The following OTC variants were observed in gnomAD, a reference collection of about 807,000 sequenced individuals.
OTC encodes the protein ornithine transcarbamylase, mitochondrial.
Under a neutral mutation model 30.3 loss-of-function variants are expected in OTC, and 3 were observed. The observed-to-expected ratio is 0.10, with a 90% confidence interval of 0.05 to 0.26. OTC has a LOEUF of 0.26. Among genes scored for constraint, OTC ranks in the 10% least tolerant of loss-of-function variants. The pLI is 1.00. For missense variants in OTC, 194 were observed against 260.3 expected (o/e 0.75, Z 1.75); for synonymous variants, 111 against 99.7 (o/e 1.11, Z -0.67).
At chrX:38,345,810 G>A in the OTC span, among the ~76,000 whole-genome samples, 2 of 110,881 alleles carry the variant, frequency 1.8e-5, no homozygotes, top group Non-Finnish European at 3.8e-5. Flanking sequence ...CAAAGTGCTG[G>A]GATTACAGGC....
intron 4 of OTC, among the ~76,000 whole-genome samples, chrX:38,382,810 A>G (rs901164352): frequency 8.9e-6 from 1 of 112,223 alleles, no homozygotes; most frequent in African/African-American, 3.2e-5. Flanking sequence ...AATGAGTCAT[A>G]TGTAAAGCAC....
At chrX:38,413,665 A>ATTT (rs11397097) in intron 9 of OTC, among the ~76,000 whole-genome samples, 2 of 97,192 alleles carry the variant, frequency 2.1e-5, no homozygotes, top group Admixed American at 1.2e-4. Flanking sequence ...TGGCACATCT[A>ATTT]TTTTTTTTTT....
chrX:38,331,945 A>G, the OTC span, among the ~76,000 whole-genome samples: 3 of 110,994 alleles, frequency 2.7e-5, no homozygotes, highest in South Asian at 3.9e-4. Context: ...CAGGCCACGA[A>G]TTTGTACTGG....
rs767865575 is a variant in OTC at position 38,406,000 on chromosome X, G to A, written c.663+2260G>A. On this transcript the variant is annotated intron_variant, in intron 6 of 9. Transcript: ENST00000039007. The stretch of plus-strand genomic sequence containing the variant: ...AAACATTTTATTGCATGCCAAAGAT[G>A]TTTTATTAACATCAAAGGAAAAAAT... Among the ~76,000 whole-genome samples the A allele has an allele frequency of 1.5e-3, 173 of 112,303 alleles. 1 individual carries two copies. Among genetic ancestry groups the A allele is most frequent in the Non-Finnish European group, 2.8e-3 (150 of 53,252 alleles).
At chrX:38,413,251 T>A (rs1203485492) in intron 9 of OTC, among the ~76,000 whole-genome samples, 3 of 112,336 alleles carry the variant, frequency 2.7e-5, no homozygotes, top group African/African-American at 6.5e-5. Flanking sequence ...TAAAGTAATA[T>A]GTGTAAAGCT....
intron 5 of OTC, among the ~76,000 whole-genome samples, chrX:38,401,830 G>T (rs2068490690): frequency 8.9e-6 from 1 of 112,011 alleles, no homozygotes; most frequent in African/African-American, 3.2e-5. Flanking sequence ...ATTCAAAAAG[G>T]TTAGTTACTA....
At chrX:38,353,339 G>C (rs896594283) in intron 1 of OTC, among the ~76,000 whole-genome samples, 6 of 111,582 alleles carry the variant, frequency 5.4e-5, no homozygotes, top group African/African-American at 2.0e-4. Flanking sequence ...TTTACATCCT[G>C]CTTACAACCA....
chrX:38,331,422 T>A, the OTC span, among the ~76,000 whole-genome samples: 24 of 91,543 alleles, frequency 2.6e-4, no homozygotes, highest in African/African-American at 8.9e-4. Context: ...CCCAGCTAAT[T>A]TTTTTTTTGT....
rs779852274 is a variant in OTC at position 38,403,716 on chromosome X, G to A, written c.639G>A (p.Met213Ile). 1 of 1,210,544 alleles carries A rather than the reference G, an allele frequency of 8.3e-7. No individual in the cohort carries two copies. Among genetic ancestry groups the A allele is most frequent in the East Asian group, 3.0e-5 (1 of 33,821 alleles). ...SIMMSAAKFGMHLQAATPKGY... is the reference protein window; with the variant it reads ...SIMMSAAKFGIHLQAATPKGY... ...TGATGAGCGCAGCGAAATTCGGAAT[G>A]CACCTTCAGGCAGCTACTCCAAAGG... Residue 213 changes from methionine (M) to isoleucine (I), a missense_variant, in exon 6 of 10, where the codon ATG becomes ATA. Coordinates refer to ENST00000039007, the MANE Select transcript of OTC (RefSeq NM_000531.6).
In OTC at chrX:38,409,039, C is replaced by G; in HGVS notation, c.867+14C>G. On this transcript the variant is annotated intron_variant, in intron 8 of 9. Transcript: ENST00000039007. Reference sequence around the variant, plus strand: ...GTTACAATGAAGGTACAAATTGATGCCTCTCTGAAGGTTCATTAATTCCAT... The same window carrying G: ...GTTACAATGAAGGTACAAATTGATGGCTCTCTGAAGGTTCATTAATTCCAT... The G allele has an allele frequency of 8.3e-7, 1 of 1,207,204 alleles. No individual in the cohort carries two copies. Among genetic ancestry groups the G allele is most frequent in the Non-Finnish European group, 1.1e-6 (1 of 891,474 alleles).
chrX:38,366,454 T>G (rs1249415385), intron 1 of OTC, among the ~76,000 whole-genome samples: 1 of 111,876 alleles, frequency 8.9e-6, no homozygotes, highest in East Asian at 2.8e-4. Flanking sequence ...AGAACAGATT[T>G]GAAGGGCAGT....
intron 9 of OTC, among the ~76,000 whole-genome samples, chrX:38,413,412 G>A (rs1190017137): frequency 9.0e-6 from 1 of 111,293 alleles, no homozygotes; most frequent in East Asian, 2.8e-4. Flanking sequence ...AGCCAACCGT[G>A]ACTCCCTTTT....
At chrX:38,376,765 G>A (rs2068350293) in intron 3 of OTC, among the ~76,000 whole-genome samples, 1 of 111,824 alleles carries the variant, frequency 8.9e-6, no homozygotes, top group African/African-American at 3.3e-5. Context: ...ATGATAAAGG[G>A]GCCAATTCAG....
chrX:38,409,300 CTT>C (rs1397437684), intron 8 of OTC, among the ~76,000 whole-genome samples: 3 of 111,885 alleles, frequency 2.7e-5, no homozygotes, highest in African/African-American at 9.7e-5. Context: ...GTGTTTTACT[CTT>C]TGTGTGTTTA....
At chrX:38,356,248 ATAG>A (rs1439964805) in intron 1 of OTC, among the ~76,000 whole-genome samples, 3 of 110,833 alleles carry the variant, frequency 2.7e-5, no homozygotes, top group Admixed American at 9.7e-5. Flanking sequence ...CAGATCTTTA[ATAG>A]TAGGTCTGCA....
chrX:38,332,107 G>T, the OTC span, among the ~76,000 whole-genome samples: 1 of 109,491 alleles, frequency 9.1e-6, no homozygotes, highest in South Asian at 4.0e-4. Flanking sequence ...CTGCACATGG[G>T]AGGGATCTAG....
upstream of OTC, among the ~76,000 whole-genome samples, chrX:38,348,931 A>G (rs2068201957): frequency 9.0e-6 from 1 of 111,617 alleles, no homozygotes; most frequent in African/African-American, 3.3e-5. Context: ...GCATACCACT[A>G]TTTACAGAAT....
At chrX:38,394,396 A>T (rs1035577921) in intron 4 of OTC, among the ~76,000 whole-genome samples, 22 of 112,263 alleles carry the variant, frequency 2.0e-4, no homozygotes, top group Non-Finnish European at 3.8e-4. Context: ...AGGAGATTTC[A>T]TTCTTTTACA....
At chrX:38,384,202 AT>A (rs1396007327) in intron 4 of OTC, among the ~76,000 whole-genome samples, 2 of 111,906 alleles carry the variant, frequency 1.8e-5, no homozygotes, top group African/African-American at 6.5e-5. Flanking sequence ...ATGTGGGAGA[AT>A]TGCAGAAGGC....
Sources: gnomAD v4.1 joint callset for allele counts (sites outside exome capture counted in the v4.1 genomes callset) on GRCh38, gnomAD v4.1.1 for gene constraint, MANE v1.5 for transcripts, NCBI Gene and HGNC (gene_info 2026-07-23, HGNC 2026-07-21) for gene names.